PLA2G15: variants seen among roughly 807,000 people sequenced by gnomAD.
PLA2G15 encodes the protein phospholipase A2 group XV.
Under a neutral mutation model 40.9 loss-of-function variants are expected in PLA2G15, and 20 were observed. The observed-to-expected ratio is 0.49, with a 90% CI of 0.34 to 0.71. PLA2G15 has a LOEUF of 0.71. Among genes scored for constraint, PLA2G15 ranks in the 30% least tolerant of loss-of-function variants. The pLI is 0.01. For synonymous variants in PLA2G15, 223 were observed against 228.2 expected (o/e 0.98, Z 0.21); for missense variants, 471 against 541.9 (o/e 0.87, Z 1.30).
Position 68,259,012 on chromosome 16 carries a change from G to C in PLA2G15, c.728-134G>C. 2 of 701,816 alleles carry C rather than the reference G, an allele frequency of 2.8e-6. No homozygotes were observed. The highest frequency in any genetic ancestry group is 4.9e-6 in the Non-Finnish European group (2 of 411,338). 43.5% of individuals were successfully genotyped at this position (701,816 alleles called of 1,614,324 possible). On this transcript the variant is annotated intron_variant, in intron 5 of 5. Coordinates refer to ENST00000219345, the MANE Select transcript of PLA2G15 (RefSeq NM_012320.4). The surrounding 1 kb of genome is among the most constrained non-coding windows in gnomAD (Gnocchi z 6.5). ...GGATGGGAGTCACAGTGATTACAAT[G>C]ATGATAACCGGGTAGAGATGCGGGA... is the stretch of plus-strand genomic sequence containing the variant.
chr16:68,245,584 G>A (rs899109999), intron 1 of PLA2G15, 31 bp downstream of exon 1: 2 of 1,552,850 alleles, frequency 1.3e-6, no homozygotes, highest in African/African-American at 1.4e-5. Flanking sequence ...TGGATCTGTC[G>A]GTCGGGCGGG....
chr16:68,256,012 C>T lies in PLA2G15; in HGVS notation c.727+22C>T, dbSNP rs182336975. ...TCAGGTAAGACCCTACCTGGCCCAG[C>T]GTGGGGGGCTGTTGCCAGGAATTCT... On this transcript the variant is annotated intron_variant, in intron 5 of 5. Transcript: ENST00000219345. 3.9e-3 allele frequency: 5,906 copies of T among 1,499,262 alleles called. 23 individuals carry two copies. The highest frequency in any genetic ancestry group is 0.015 in the Middle Eastern group (62 of 4,096). 92.9% of individuals were successfully genotyped at this position (1,499,262 alleles called of 1,614,324 possible). A position where few individuals can be genotyped will look rare whatever the true frequency, so the allele number is the denominator to read the frequency against.
chr16:68,245,420 G>C lies in PLA2G15; in HGVS notation c.-7G>C. ...GCATCCCGGACCTGCGGCGACCGTC[G>C]TACACCATGGGCCTCCACCTCCGCC... On this transcript the variant is annotated 5_prime_UTR_variant, in exon 1 of 6. Coordinates refer to ENST00000219345, the MANE Select transcript of PLA2G15 (RefSeq NM_012320.4). 6.2e-7 allele frequency: 1 copy of C among 1,603,130 alleles called. No homozygotes were observed. Among genetic ancestry groups the C allele is most frequent in the Non-Finnish European group, 8.5e-7 (1 of 1,179,652 alleles).
chr16:68,256,002 C>A lies in PLA2G15; in HGVS notation c.727+12C>A, dbSNP rs760547384. 2 of 1,561,898 alleles carry A rather than the reference C, an allele frequency of 1.3e-6. No homozygotes were observed. Among genetic ancestry groups the A allele is most frequent in the Non-Finnish European group, 1.7e-6 (2 of 1,143,244 alleles). ...CGTCCTGGCTTCAGGTAAGACCCTA[C>A]CTGGCCCAGCGTGGGGGGCTGTTGC... is the stretch of plus-strand genomic sequence containing the variant. On this transcript the variant is annotated intron_variant, in intron 5 of 5. Transcript: ENST00000219345.
In PLA2G15 at chr16:68,255,491, T is replaced by C; in HGVS notation, c.502+111T>C. ...CTTGTCCTTGGCTGTCTCCTGTCCC[T>C]GGGCCTCTGGCATCCAGTCTAGTGG... On this transcript the variant is annotated intron_variant, in intron 4 of 5. Transcript: ENST00000219345. The surrounding 1 kb of genome is among the most constrained non-coding windows in gnomAD (Gnocchi z 5.9). 2 of 731,278 alleles carry C rather than the reference T, an allele frequency of 2.7e-6. No individual in the cohort carries two copies. Among genetic ancestry groups the C allele is most frequent in the Non-Finnish European group, 2.3e-6 (1 of 443,662 alleles). The allele number at this position is 731,278 out of a possible 1,614,324, so 45.3% of individuals were successfully genotyped here. A position where few individuals can be genotyped will look rare whatever the true frequency, so the allele number is the denominator to read the frequency against.
chr16:68,255,789 G>C lies in PLA2G15; in HGVS notation c.526G>C (p.Ala176Pro). The C allele has an allele frequency of 1.9e-6, 3 of 1,614,098 alleles. No homozygotes were observed. The highest frequency in any genetic ancestry group is 2.5e-6 in the Non-Finnish European group (3 of 1,179,956). ...AGATGAAAACGGGCCCTACTTCCTG[G>C]CCCTCCGCGAGATGATCGAGGAGAT... ...APNENGPYFL[A>P]LREMIEEMYQ... Residue 176 changes from alanine (A) to proline (P), a missense_variant, in exon 5 of 6, where the codon GCC becomes CCC. By Grantham distance (27) the Ala-to-Pro change is conservative (BLOSUM62 -1). Coordinates refer to ENST00000219345, the MANE Select transcript of PLA2G15 (RefSeq NM_012320.4). This position sits in a 1 kb window ranked among gnomAD's most constrained non-coding sequence, Gnocchi z 5.9.
intron 2 of PLA2G15, among the ~76,000 whole-genome samples, chr16:68,250,054 G>A (rs994034427): frequency 4.0e-5 from 6 of 151,608 alleles, no homozygotes; most frequent in East Asian, 1.9e-4. Flanking sequence ...TCTGTGCCTC[G>A]GCCTCCCCTA....
At chr16:68,250,174 CTTTTT>C (rs1175749953) in intron 2 of PLA2G15, 72 of 134,118 alleles carry the variant, frequency 5.4e-4, no homozygotes, top group South Asian at 1.1e-3. Context: ...CTTCCATTCA[CTTTTT>C]TTTTTTTTTT....
chr16:68,247,302 C>T (rs562343704), intron 1 of PLA2G15, among the ~76,000 whole-genome samples: 88 of 152,290 alleles, frequency 5.8e-4, no homozygotes, highest in African/African-American at 2.1e-3. Context: ...ACAGAAGACC[C>T]TGGGCAAGGG....
At position 68,255,251 on chromosome 16, in the gene PLA2G15, C is replaced by A. The variant is rs1567573600; in HGVS notation, c.404-31C>A. Reference sequence around the variant, plus strand: ...TGTAGGTGGCCGGCACTAGCTGTATCTTTTCTTATCCTCTGTATTTCTGTC... The same window carrying A: ...TGTAGGTGGCCGGCACTAGCTGTATATTTTCTTATCCTCTGTATTTCTGTC... On this transcript the variant is annotated intron_variant, in intron 3 of 5. Transcript: ENST00000219345. The surrounding 1 kb of genome is among the most constrained non-coding windows in gnomAD (Gnocchi z 5.9). The A allele has an allele frequency of 2.6e-6, 4 of 1,530,374 alleles. No individual in the cohort carries two copies. In the South Asian group the frequency reaches 4.5e-5, roughly 17 times the overall value. 94.8% of individuals were successfully genotyped at this position (1,530,374 alleles called of 1,614,324 possible).
chr16:68,255,380 A>C lies in PLA2G15; in HGVS notation c.502A>C (p.Asn168His). ...GAPYDWRRAP[N>H]ENGPYFLALR... ...TCCCTATGACTGGCGCCGAGCCCCA[A>C]GTAAGCAGGCACTCTCATTCCCTCC... is the stretch of plus-strand genomic sequence containing the variant. The change falls in exon 4 of 6, where the codon AAT (asparagine) becomes CAT (histidine). Residue 168 changes from asparagine (N) to histidine (H), a missense_variant and splice_region_variant. Transcript: ENST00000219345. The surrounding 1 kb of genome is among the most constrained non-coding windows in gnomAD (Gnocchi z 5.9). 6.2e-7 allele frequency: 1 copy of C among 1,605,282 alleles called. No homozygotes were observed.
At chr16:68,245,620 C>T (rs1596939833) in intron 1 of PLA2G15, 67 bp downstream of exon 1, 1 of 1,506,774 alleles carries the variant, frequency 6.6e-7, no homozygotes, top group South Asian at 1.2e-5. Flanking sequence ...GGCTGCCTTC[C>T]CGGTCTGCTT....
intron 5 of PLA2G15, among the ~76,000 whole-genome samples, chr16:68,258,475 T>G (rs909056182): frequency 1.3e-5 from 2 of 152,188 alleles, no homozygotes; most frequent in Non-Finnish European, 2.9e-5. Flanking sequence ...TGTGGGTATG[T>G]GCCGCCTTAC....
chr16:68,251,401 G>A (rs753310340), intron 2 of PLA2G15, among the ~76,000 whole-genome samples: 3 of 152,142 alleles, frequency 2.0e-5, no homozygotes, highest in South Asian at 2.1e-4. Context: ...GTTTTTCCTG[G>A]TCGGGTGCGG....
Position 68,259,483 on chromosome 16 carries a change from C to T in PLA2G15, c.1065C>T (p.Cys355=). 6.2e-7 allele frequency: 1 copy of T among 1,613,404 alleles called. No individual in the cohort carries two copies. Among genetic ancestry groups the T allele is most frequent in the Non-Finnish European group, 8.5e-7 (1 of 1,180,042 alleles). Residue 355 remains cysteine, a synonymous_variant, in exon 6 of 6, where the codon TGC becomes TGT. Coordinates refer to ENST00000219345, the MANE Select transcript of PLA2G15 (RefSeq NM_012320.4). The surrounding 1 kb of genome is among the most constrained non-coding windows in gnomAD (Gnocchi z 6.5). ...TCCCTGACCGTGACCCTAAAATCTG[C>T]TTTGGTGACGGCGATGGTACTGTGA... ...ESFPDRDPKI[C]FGDGDGTVNL...
At chr16:68,246,535 G>T (rs2042310655) in intron 1 of PLA2G15, among the ~76,000 whole-genome samples, 1 of 152,202 alleles carries the variant, frequency 6.6e-6, no homozygotes, top group African/African-American at 2.4e-5. Context: ...CAGGTAGGGT[G>T]GTGCCAGGCA....
chr16:68,250,310 C>T (rs1272324065), intron 2 of PLA2G15: 7 of 349,382 alleles, frequency 2.0e-5, no homozygotes, highest in Non-Finnish European at 3.2e-5. Context: ...CTTGCTCTGT[C>T]GCCCAGGCTG....
In PLA2G15 at chr16:68,250,656, T is replaced by C. The variant is rs142683626; in HGVS notation, c.284+1210T>C. 4.1e-3 allele frequency among the ~76,000 whole-genome samples: 624 copies of C among 152,248 alleles called. 5 individuals are homozygous for C. Among genetic ancestry groups the C allele is most frequent in the African/African-American group, 0.014 (595 of 41,560 alleles). ...ACTTTGGGAGGCTGAGGCAGTCAGA[T>C]CACCTGAGCTCAGGAGTTGAAGACC... On this transcript the variant is annotated intron_variant, in intron 2 of 5. Coordinates refer to ENST00000219345, the MANE Select transcript of PLA2G15 (RefSeq NM_012320.4).
intron 5 of PLA2G15, among the ~76,000 whole-genome samples, chr16:68,257,234 A>G (rs551344229): frequency 5.7e-4 from 86 of 152,090 alleles, no homozygotes; most frequent in Non-Finnish European, 9.4e-4. Flanking sequence ...CATTTTGGTC[A>G]GGCTGGTCTT....
Sources: gnomAD v4.1 joint callset for allele counts (sites outside exome capture counted in the v4.1 genomes callset) on GRCh38, gnomAD v4.1.1 for gene constraint, Gnocchi (gnomAD v3.1) non-coding constraint, MANE v1.5 for transcripts, NCBI Gene and HGNC (gene_info 2026-07-23, HGNC 2026-07-21) for gene names.